The following PAIP2B variants were observed in gnomAD, a reference collection of about 807,000 sequenced individuals.
The protein encoded by PAIP2B is poly(A) binding protein interacting protein 2B.
A neutral mutation model predicts 17.0 loss-of-function variants in PAIP2B; 13 were observed. The ratio of observed to expected loss-of-function variants is 0.76; its 90% CI spans 0.50 to 1.22. PAIP2B has a LOEUF of 1.22. PAIP2B is among the 50% of genes most tolerant of loss of function. PAIP2B has a pLI of 0.00. For missense variants in PAIP2B, 117 were observed against 144.5 expected (o/e 0.81, Z 0.98); for synonymous variants, 43 against 48.7 (o/e 0.88, Z 0.48).
At chr2:71,193,835 C>T (rs357771) in intron 2 of PAIP2B, among the ~76,000 whole-genome samples, 101,442 of 144,136 alleles carry the variant, frequency 0.7, 34,740 homozygotes, top group East Asian at 0.98. Flanking sequence ...AGACTCTGTC[C>T]CAAAAAAAAA....
At chr2:71,195,912 T>C (rs1231229125) in intron 2 of PAIP2B, among the ~76,000 whole-genome samples, 2 of 152,232 alleles carry the variant, frequency 1.3e-5, no homozygotes, top group African/African-American at 4.8e-5. Context: ...GCTGGGACTA[T>C]AGGCATGAGC....
chr2:71,216,444 G>A (rs1675432327), intron 1 of PAIP2B, among the ~76,000 whole-genome samples: 1 of 152,160 alleles, frequency 6.6e-6, no homozygotes, highest in Admixed American at 6.5e-5. Context: ...ACTGTGTATT[G>A]CTTGTAACCT....
In PAIP2B at chr2:71,200,252, A is replaced by G. The variant is rs1487529592; in HGVS notation, c.138+2200T>C. 2.0e-5 allele frequency among the ~76,000 whole-genome samples: 3 copies of G among 152,138 alleles called. No homozygotes were observed. The East Asian group carries it at 5.8e-4, about 29-fold the overall frequency. ...AAAACCACTTCTGAATTACCATGAAAACTATGCTAGTAATGGAATGGGGGT... is the reference window on the plus strand; with the variant it reads ...AAAACCACTTCTGAATTACCATGAAGACTATGCTAGTAATGGAATGGGGGT... On this transcript the variant is annotated intron_variant, in intron 2 of 3. Coordinates refer to ENST00000244221, the MANE Select transcript of PAIP2B (RefSeq NM_020459.1).
At chr2:71,221,219 G>T (rs1236724491) in intron 1 of PAIP2B, among the ~76,000 whole-genome samples, 3 of 152,192 alleles carry the variant, frequency 2.0e-5, no homozygotes, top group Non-Finnish European at 2.9e-5. Flanking sequence ...TCCTCTAGAT[G>T]ATTTTTAATT....
At chr2:71,200,213 G>C (rs1674943905) in intron 2 of PAIP2B, among the ~76,000 whole-genome samples, 1 of 152,086 alleles carries the variant, frequency 6.6e-6, no homozygotes, top group Admixed American at 6.5e-5. Flanking sequence ...TCCAACTCAA[G>C]GTACATGGTA....
intron 1 of PAIP2B, among the ~76,000 whole-genome samples, chr2:71,211,242 A>AAAGC (rs1675289120): frequency 6.6e-6 from 1 of 151,476 alleles, no homozygotes; most frequent in Admixed American, 6.6e-5. Context: ...CTAGGGGACA[A>AAAGC]AAGCAAGACT....
chr2:71,216,553 T>G (rs1316931743), intron 1 of PAIP2B, among the ~76,000 whole-genome samples: 1 of 152,212 alleles, frequency 6.6e-6, no homozygotes, highest in African/African-American at 2.4e-5. Context: ...TCTTCTAGAG[T>G]TCTACAATTT....
Position 71,188,544 on chromosome 2 carries a change from A to G in PAIP2B, c.316-9T>C. ...TTCAGGTTACTTTTGCTCTGAAATA[A>G]GAACCAAGAGATAGTAAATCCTAAG... is the stretch of plus-strand genomic sequence containing the variant. On this transcript the variant is annotated splice_polypyrimidine_tract_variant and intron_variant, in intron 3 of 3. Coordinates refer to ENST00000244221, the MANE Select transcript of PAIP2B (RefSeq NM_020459.1). The G allele has an allele frequency of 6.3e-7, 1 of 1,599,660 alleles. No individual in the cohort carries two copies. The highest frequency in any genetic ancestry group is 8.5e-7 in the Non-Finnish European group (1 of 1,171,930).
intron 2 of PAIP2B, among the ~76,000 whole-genome samples, chr2:71,192,487 A>C (rs1674711400): frequency 6.6e-6 from 1 of 152,072 alleles, no homozygotes; most frequent in Non-Finnish European, 1.5e-5. Flanking sequence ...GTACACGTGA[A>C]GGTTACATAA....
intron 1 of PAIP2B, among the ~76,000 whole-genome samples, chr2:71,210,400 C>A (rs188576256): frequency 6.6e-6 from 1 of 152,154 alleles, no homozygotes; most frequent in Non-Finnish European, 1.5e-5. Context: ...ATTTCCAGAG[C>A]AGCTGCATGG....
chr2:71,190,003 C>T lies in PAIP2B; in HGVS notation c.157G>A (p.Glu53Lys). 1 of 1,612,028 alleles carries T rather than the reference C, an allele frequency of 6.2e-7. No individual in the cohort carries two copies. The highest frequency in any genetic ancestry group is 1.3e-5 in the African/African-American group (1 of 75,022). Residue 53 changes from glutamate (E) to lysine (K), a missense_variant, in exon 3 of 4, where the codon GAG becomes AAG. Transcript: ENST00000244221. ...FNRQVEEELQ[E>K]QDFLDRCFQE... is the part of the protein sequence containing the mutation. ...AAGCAGCGGTCCAAGAAGTCTTGCT[C>T]CTGCAGTTCCTCCTCCACCTAGCAA...
chr2:71,188,790 C>T (rs1009868671), intron 3 of PAIP2B, among the ~76,000 whole-genome samples: 10 of 152,272 alleles, frequency 6.6e-5, no homozygotes, highest in South Asian at 2.1e-4. Context: ...GTAAGTTCAA[C>T]TCCAAGAATA....
chr2:71,225,925 G>A (rs954790061), intron 1 of PAIP2B, among the ~76,000 whole-genome samples: 3 of 152,188 alleles, frequency 2.0e-5, no homozygotes, highest in Non-Finnish European at 4.4e-5. Context: ...GTACAACTAA[G>A]TATGTTCTAT....
chr2:71,198,869 T>A lies in PAIP2B; in HGVS notation c.138+3583A>T, dbSNP rs564600969. Among the ~76,000 whole-genome samples, 8 of 152,348 alleles carry A rather than the reference T, an allele frequency of 5.3e-5. No individual in the cohort carries two copies. In the South Asian group the frequency reaches 1.7e-3, roughly 32 times the overall value. ...TAGGTTCTTTTTTTATACTGCCTAT[T>A]TTGTCTTTCAGCTCCTGTATCACTT... On this transcript the variant is annotated intron_variant, in intron 2 of 3. Coordinates refer to ENST00000244221, the MANE Select transcript of PAIP2B (RefSeq NM_020459.1).
At chr2:71,207,391 G>C (rs1184540326) in intron 1 of PAIP2B, among the ~76,000 whole-genome samples, 1 of 152,306 alleles carries the variant, frequency 6.6e-6, no homozygotes, top group Non-Finnish European at 1.5e-5. Context: ...ACAAGGAAGA[G>C]AGATGAGGTT....
At chr2:71,224,503 G>A (rs1675671506) in intron 1 of PAIP2B, among the ~76,000 whole-genome samples, 1 of 152,282 alleles carries the variant, frequency 6.6e-6, no homozygotes, top group Admixed American at 6.5e-5. Context: ...GCAGAGGCAG[G>A]CTTCAAGATT....
chr2:71,194,953 A>T (rs1348248212), intron 2 of PAIP2B, among the ~76,000 whole-genome samples: 2 of 152,164 alleles, frequency 1.3e-5, no homozygotes, highest in Non-Finnish European at 2.9e-5. Context: ...GTTGAATTTT[A>T]TCAAAAGACT....
intron 1 of PAIP2B, among the ~76,000 whole-genome samples, chr2:71,204,944 G>A (rs989628370): frequency 6.6e-6 from 1 of 151,896 alleles, no homozygotes; most frequent in Middle Eastern, 3.2e-3. Flanking sequence ...AATCACTATA[G>A]AGAATCAGAA....
intron 3 of PAIP2B, among the ~76,000 whole-genome samples, chr2:71,188,956 C>T (rs139829610): frequency 6.6e-6 from 1 of 151,238 alleles, no homozygotes; most frequent in East Asian, 1.9e-4. Context: ...AACCACAGGG[C>T]AAGATTGTTC....
Sources: gnomAD v4.1 joint callset for allele counts (sites outside exome capture counted in the v4.1 genomes callset) on GRCh38, gnomAD v4.1.1 for gene constraint, MANE v1.5 for transcripts, NCBI Gene and HGNC (gene_info 2026-07-23, HGNC 2026-07-21) for gene names.